DDX51: variants seen among roughly 807,000 people sequenced by gnomAD.
DDX51 encodes the protein DEAD-box helicase 51, also known as ATP-dependent RNA helicase DDX51.
A neutral mutation model predicts 74.6 loss-of-function variants in DDX51; 67 were observed. That is an observed-to-expected ratio of 0.90 (90% CI 0.74 to 1.10). The LOEUF is 1.10. Among genes scored for constraint, DDX51 ranks in the 50% least tolerant of loss-of-function variants. The pLI, the probability that DDX51 is intolerant of heterozygous loss-of-function variation, is 0.00. For synonymous variants in DDX51, 545 were observed against 402.9 expected (o/e 1.35, Z -4.22); for missense variants, 1,056 against 905.2 (o/e 1.17, Z -2.14).
Position 132,143,995 on chromosome 12 carries a change from G to A in DDX51, c.302C>T (p.Ala101Val). The A allele has an allele frequency of 3.6e-6, 5 of 1,392,980 alleles. No homozygotes were observed. The highest frequency in any genetic ancestry group is 4.6e-6 in the Non-Finnish European group (5 of 1,079,208). The allele number at this position is 1,392,980 out of a possible 1,614,324, so 86.3% of individuals were successfully genotyped here. The stretch of plus-strand genomic sequence containing the variant: ...AGCCCGCTCGCCCCGCGGCCCACCT[G>A]CGCCCGCGTCCTCGCCGTCCGCCTT... ...RRKADGEDAG[A>V]ESNEEAPGEP... The change falls in exon 1 of 15, where the codon GCA becomes GTA. Residue 101 changes from alanine (A) to valine (V), a missense_variant and splice_region_variant. Ala to Val is a moderately conservative substitution (Grantham distance 64). Coordinates refer to ENST00000397333, the MANE Select transcript of DDX51 (RefSeq NM_175066.4).
rs1177024060 is a variant in DDX51 at position 132,140,877 on chromosome 12, T to A, written c.1394A>T (p.Asp465Val). 6.2e-7 allele frequency: 1 copy of A among 1,613,456 alleles called. No individual in the cohort carries two copies. The highest frequency in any genetic ancestry group is 2.2e-5 in the East Asian group (1 of 44,900). The change falls in exon 9 of 15, where the codon GAT becomes GTT. Residue 465 changes from aspartate to valine, a missense_variant. Asp to Val is a radical substitution (Grantham distance 152). Coordinates refer to ENST00000397333, the MANE Select transcript of DDX51 (RefSeq NM_175066.4). ...ATACTTCCCCGAATCCCCGTCCCCA[T>A]CTGTATCTTCCAGGCCCCTGTGTGC... Reference protein sequence around the residue: ...GLAHRGLEDTDGDGDSGKYAF... With the variant: ...GLAHRGLEDTVGDGDSGKYAF...
At chr12:132,141,639 G>C (rs778497747) in intron 6 of DDX51, 33 bp from the exon 7 acceptor site, 3 of 1,543,176 alleles carry the variant, frequency 1.9e-6, no homozygotes, top group South Asian at 2.5e-5. Context: ...AGAGAAGGAA[G>C]CTTTCTCAAG....
chr12:132,143,470 G>A (rs1897560363), intron 2 of DDX51: 2 of 618,140 alleles, frequency 3.2e-6, no homozygotes, highest in Non-Finnish European at 5.4e-6. Context: ...TTGCAGAACT[G>A]GCGCGGCGCG....
Position 132,144,044 on chromosome 12 carries a change from C to T in DDX51, c.253G>A (p.Glu85Lys), listed in dbSNP as rs374149084. Residue 85 changes from glutamate (E) to lysine (K), a missense_variant, in exon 1 of 15, where the codon GAG (glutamate) becomes AAG (lysine). Glu to Lys is a moderately conservative substitution (Grantham distance 56). Transcript: ENST00000397333. ...TTCCGTCGCTTTCCCTGCGGCGCCT[C>T]CGGGCTCCCCGGCTCCGCGTCGTTC... The part of the protein sequence containing the change: ...RVNDAEPGSP[E>K]APQGKRRKAD... 626 of 1,342,782 alleles carry T rather than the reference C, an allele frequency of 4.7e-4. 8 individuals are homozygous for T. The East Asian group carries it at 0.017, about 36-fold the overall frequency. 83.2% of individuals were successfully genotyped at this position (1,342,782 alleles called of 1,614,324 possible).
At chr12:132,141,192 T>C (rs1361503567) in intron 8 of DDX51, 83 bp downstream of exon 8, 3 of 1,512,540 alleles carry the variant, frequency 2.0e-6, no homozygotes, top group Admixed American at 2.1e-5. Flanking sequence ...AAGCCACCCT[T>C]ATCTCTGGGC....
In DDX51 at chr12:132,143,828, T is replaced by C; in HGVS notation, c.386A>G (p.Glu129Gly). 1 of 1,499,024 alleles carries C rather than the reference T, an allele frequency of 6.7e-7. No individual in the cohort carries two copies. 92.9% of individuals were successfully genotyped at this position (1,499,024 alleles called of 1,614,324 possible). A position where few individuals can be genotyped will look rare whatever the true frequency, so the allele number is the denominator to read the frequency against. Residue 129 changes from glutamate to glycine, a missense_variant, in exon 2 of 15, where the codon GAG becomes GGG. Glu to Gly is a moderately conservative substitution (Grantham distance 98). Coordinates refer to ENST00000397333, the MANE Select transcript of DDX51 (RefSeq NM_175066.4). ...GGTGCTGCGCTCCCCCGGCGCCTCCTCGCTGCTCCCTGCGCTGGGCTCCCC... is the reference window on the plus strand; with the variant it reads ...GGTGCTGCGCTCCCCCGGCGCCTCCCCGCTGCTCCCTGCGCTGGGCTCCCC... ...APGEPSAGSS[E>G]EAPGERSTSA...
At position 132,141,951 on chromosome 12, in the gene DDX51, G is replaced by A. The variant is rs749228331; in HGVS notation, c.894C>T (p.Ser298=). Residue 298 remains serine (S), a synonymous_variant, in exon 6 of 15, where the codon AGC becomes AGT. Coordinates refer to ENST00000397333, the MANE Select transcript of DDX51 (RefSeq NM_175066.4). ...CATCTGTGTAGATGTTGAAAACTTTGCTCACCTGCAGGAGAAGTCTGTCAC... is the reference window on the plus strand; with the variant it reads ...CATCTGTGTAGATGTTGAAAACTTTACTCACCTGCAGGAGAAGTCTGTCAC... ...LPTKELAQQV[S]KVFNIYTDAT... is the part of the protein sequence containing the mutation. 6.2e-7 allele frequency: 1 copy of A among 1,612,780 alleles called. No individual in the cohort carries two copies. The highest frequency in any genetic ancestry group is 8.5e-7 in the Non-Finnish European group (1 of 1,179,882).
At position 132,139,307 on chromosome 12, in the gene DDX51, G is replaced by C; in HGVS notation, c.1975-9C>G. On this transcript the variant is annotated splice_polypyrimidine_tract_variant and intron_variant, in intron 14 of 14. Transcript: ENST00000397333. ...CTCTGCTTGCGCTCTTCCTGTGGAG[G>C]AAAGGGGAGGGCTCAGCACCACACA... The C allele has an allele frequency of 1.2e-6, 2 of 1,607,854 alleles. No individual in the cohort carries two copies. Among genetic ancestry groups the C allele is most frequent in the African/African-American group, 1.3e-5 (1 of 74,964 alleles).
rs769071197 is a variant in DDX51, at chr12:132,139,628, C to T, written c.1974+7G>A. ...GAGGGTTTCATGCCGGACTCTGGTGCCCTTACCTTGACAGACTCCTCCAGC... is the reference window on the plus strand; with the variant it reads ...GAGGGTTTCATGCCGGACTCTGGTGTCCTTACCTTGACAGACTCCTCCAGC... On this transcript the variant is annotated splice_region_variant and intron_variant, in intron 14 of 14. Coordinates refer to ENST00000397333, the MANE Select transcript of DDX51 (RefSeq NM_175066.4). The T allele has an allele frequency of 2.5e-6, 4 of 1,613,040 alleles. No homozygotes were observed. The highest frequency in any genetic ancestry group is 3.4e-6 in the Non-Finnish European group (4 of 1,180,032).
At position 132,142,731 on chromosome 12, in the gene DDX51, G is replaced by A. The variant is rs769585293; in HGVS notation, c.667C>T (p.Pro223Ser). Residue 223 changes from proline (P) to serine (S), a missense_variant, in exon 3 of 15, where the codon CCA (proline) becomes TCA (serine). By Grantham distance (74) the Pro-to-Ser change is moderately conservative. Coordinates refer to ENST00000397333, the MANE Select transcript of DDX51 (RefSeq NM_175066.4). ...LRAHGISSYF[P>S]VQAAVIPALL... The stretch of plus-strand genomic sequence containing the variant: ...TGCCTGCCCGGGGCTGGGGCACCTG[G>A]AAAGTAGGACGAGATGCCGTGTGCC... 2.5e-6 allele frequency: 4 copies of A among 1,612,690 alleles called. No homozygotes were observed. The highest frequency in any genetic ancestry group is 1.7e-5 in the Admixed American group (1 of 60,026).
At chr12:132,143,394 C>T (rs369079721) in intron 2 of DDX51, 5 of 535,684 alleles carry the variant, frequency 9.3e-6, no homozygotes, top group South Asian at 9.0e-5. Flanking sequence ...TGCAGAACGG[C>T]CTCTGACTTA....
intron 11 of DDX51, 56 bp from the exon 12 acceptor site, chr12:132,140,255 G>T: frequency 6.3e-7 from 1 of 1,585,258 alleles, no homozygotes; most frequent in Non-Finnish European, 8.6e-7. Flanking sequence ...GGCCGTGGCA[G>T]CACCGGCCCT....
At chr12:132,140,073 C>A (rs1432672271) in intron 12 of DDX51, 25 bp downstream of exon 12, 1 of 1,609,636 alleles carries the variant, frequency 6.2e-7, no homozygotes, top group South Asian at 1.1e-5. Context: ...CCAGACCCCC[C>A]AGTGGCCGCT....
Position 132,142,557 on chromosome 12 carries a change from C to T in DDX51, c.671-135G>A, listed in dbSNP as rs530066852. 190 of 1,470,902 alleles carry T rather than the reference C, an allele frequency of 1.3e-4. No homozygotes were observed. In the South Asian group the frequency reaches 2.4e-3, roughly 18 times the overall value. The allele number at this position is 1,470,902 out of a possible 1,614,324, so 91.1% of individuals were successfully genotyped here. ...GCTCCCCAGAGGGATGGCACCAAGG[C>T]CCAGAGGAACGCCAGCCTCAGGAGA... On this transcript the variant is annotated intron_variant, in intron 3 of 14. Transcript: ENST00000397333.
intron 12 of DDX51, 44 bp from the exon 13 acceptor site, chr12:132,139,968 C>T: frequency 1.2e-6 from 2 of 1,612,248 alleles, no homozygotes; most frequent in Non-Finnish European, 1.7e-6. Flanking sequence ...CCTGAGCCTT[C>T]AAGAGTCTGA....
Position 132,140,129 on chromosome 12 carries a change from C to T in DDX51, c.1744G>A (p.Ala582Thr), listed in dbSNP as rs780739881. 9 of 1,612,648 alleles carry T rather than the reference C, an allele frequency of 5.6e-6. No individual in the cohort carries two copies. Among genetic ancestry groups the T allele is most frequent in the South Asian group, 2.2e-5 (2 of 91,074 alleles). The change falls in exon 12 of 15, where the codon GCC (alanine) becomes ACC (threonine). Residue 582 changes from alanine (A) to threonine (T), a missense_variant. Transcript: ENST00000397333. ...QGVELVVNYD[A>T]PQYLRTYVHR... ...ACGTAGGTTCTCAGGTACTGGGGGG[C>T]GTCGTAGTTCACCACCAGCTCCACA...
chr12:132,142,882 CCAT>C lies in DDX51; in HGVS notation c.520-7_520-5del. 2 of 1,612,512 alleles carry C rather than the reference CCAT, an allele frequency of 1.2e-6. No individual in the cohort carries two copies. Among genetic ancestry groups the C allele is most frequent in the Non-Finnish European group, 1.7e-6 (2 of 1,179,988 alleles). ...ACCTTGGCAGGAAAGGCTGGACCTG[CCAT>C]CAAAAAGAAAGAGAGGCCAGGTGAG... On this transcript the variant is annotated splice_polypyrimidine_tract_variant and splice_region_variant and intron_variant, in intron 2 of 14. Coordinates refer to ENST00000397333, the MANE Select transcript of DDX51 (RefSeq NM_175066.4).
chr12:132,143,078 C>G, intron 2 of DDX51, 200 bp from the exon 3 acceptor site: 1 of 647,134 alleles, frequency 1.5e-6, no homozygotes, highest in South Asian at 1.9e-5. Flanking sequence ...CAAACTCACT[C>G]TGTAGCCTCC....
At position 132,143,747 on chromosome 12, in the gene DDX51, G is replaced by A. The variant is rs987057593; in HGVS notation, c.467C>T (p.Pro156Leu). Residue 156 changes from proline to leucine, a missense_variant, in exon 2 of 15, where the codon CCC becomes CTC. Coordinates refer to ENST00000397333, the MANE Select transcript of DDX51 (RefSeq NM_175066.4). ...DGPALEEAAG[P>L]LVPGLVLGGF... ...CCCCAGCACCAGGCCGGGGACCAGG[G>A]GTCCGGCCGCCTCCTCCAGGGCCGG... The A allele has an allele frequency of 2.4e-5, 36 of 1,527,600 alleles. No homozygotes were observed. Among genetic ancestry groups the A allele is most frequent in the East Asian group, 7.6e-5 (3 of 39,426 alleles). The allele number at this position is 1,527,600 out of a possible 1,614,324, so 94.6% of individuals were successfully genotyped here. A position where few individuals can be genotyped will look rare whatever the true frequency, so the allele number is the denominator to read the frequency against.
Sources: gnomAD v4.1 joint callset for allele counts on GRCh38, gnomAD v4.1.1 for gene constraint, MANE v1.5 for transcripts, NCBI Gene and HGNC (gene_info 2026-07-23, HGNC 2026-07-21) for gene names.